The following SERAC1 variants were observed in gnomAD, a reference collection of about 807,000 sequenced individuals.
The protein encoded by SERAC1 is serine active site containing 1, also known as protein SERAC1.
A neutral mutation model predicts 85.7 loss-of-function variants in SERAC1; 36 were observed. The observed-to-expected ratio is 0.42, with a 90% confidence interval of 0.32 to 0.55. The LOEUF (loss-of-function observed/expected upper bound fraction) is 0.55. Among genes scored for constraint, SERAC1 ranks in the 20% least tolerant of loss-of-function variants. SERAC1 has a pLI of 0.11. For synonymous variants in SERAC1, 242 were observed against 265.3 expected (o/e 0.91, Z 0.85); for missense variants, 629 against 796.2 (o/e 0.79, Z 2.53).
At chr6:158,152,720 T>C (rs1163866767) in intron 3 of SERAC1, 2 of 152,166 alleles carry the variant, frequency 1.3e-5, no homozygotes, top group African/African-American at 4.8e-5. Context: ...TACGTTTAGG[T>C]ACACAAATAC....
chr6:158,114,322 C>T (rs535030737), intron 15 of SERAC1: 3 of 189,254 alleles, frequency 1.6e-5, no homozygotes, highest in South Asian at 1.8e-4. Flanking sequence ...CAAAAAGACA[C>T]CTGGTATATT....
In SERAC1 at chr6:158,155,471, T is replaced by C. The variant is rs1039967950; in HGVS notation, c.92-120A>G. On this transcript the variant is annotated intron_variant, in intron 2 of 16. Transcript: ENST00000647468. The stretch of plus-strand genomic sequence containing the variant: ...ATCAGATAAGAAGTTATTATTTTTC[T>C]ATTAATATAATCAGTTGCTATTAAT... 1.1e-4 allele frequency: 67 copies of C among 601,230 alleles called. No individual in the cohort carries two copies. In the African/African-American group the frequency reaches 1.2e-3, roughly 11 times the overall value. The allele number at this position is 601,230 out of a possible 1,614,324, so 37.2% of individuals were successfully genotyped here.
chr6:158,161,246 G>A (rs754551908), intron 1 of SERAC1: 1 of 152,146 alleles, frequency 6.6e-6, no homozygotes, highest in African/African-American at 2.4e-5. Context: ...AGCTGGGCCT[G>A]TTGGCATGTG....
At chr6:158,118,884 C>G in intron 12 of SERAC1, 145 bp downstream of exon 12, 1 of 977,556 alleles carries the variant, frequency 1.0e-6, no homozygotes, top group Non-Finnish European at 1.5e-6. Context: ...CAGTTGTTGT[C>G]AAAACATACT....
In SERAC1 at chr6:158,142,478, A is replaced by C. The variant is rs368319518; in HGVS notation, c.738+578T>G. On this transcript the variant is annotated intron_variant, in intron 8 of 16. Transcript: ENST00000647468. ...TGAGCCACTGCCCTCAGCCCTATTC[A>C]TTCTTTTTTTTTTTTTTGAGGCGGA... Among the ~76,000 whole-genome samples the C allele has an allele frequency of 1.1e-4, 15 of 137,754 alleles. No homozygotes were observed. In the East Asian group the frequency reaches 2.6e-3, roughly 24 times the overall value. 90.4% of individuals were successfully genotyped at this position (137,754 alleles called of 152,430 possible).
chr6:158,119,947 A>G lies in SERAC1; in HGVS notation c.1166+478T>C, dbSNP rs1044337620. Among the ~76,000 whole-genome samples, 8 of 152,202 alleles carry G rather than the reference A, an allele frequency of 5.3e-5. No homozygotes were observed. Among genetic ancestry groups the G allele is most frequent in the African/African-American group, 1.7e-4 (7 of 41,452 alleles). ...TTAAGAAGGGGCATGAGTCAAACTT[A>G]TTACAACTTATTCTTTCTAATGCAT... On this transcript the variant is annotated intron_variant, in intron 11 of 16. Transcript: ENST00000647468. This position sits in a 1 kb window ranked among gnomAD's most constrained non-coding sequence, Gnocchi z 4.5.
chr6:158,140,927 G>T (rs1365378060), intron 8 of SERAC1, among the ~76,000 whole-genome samples: 1 of 151,562 alleles, frequency 6.6e-6, no homozygotes, highest in Non-Finnish European at 1.5e-5. Flanking sequence ...GTACAGTACA[G>T]TTTTTTTTTC....
At chr6:158,164,555 G>C (rs1785555380) in intron 1 of SERAC1, among the ~76,000 whole-genome samples, 1 of 152,050 alleles carries the variant, frequency 6.6e-6, no homozygotes, top group South Asian at 2.1e-4. Flanking sequence ...GAGAAATTTT[G>C]AGACTAAGAA....
At chr6:158,130,529 T>G in intron 8 of SERAC1, 43 bp from the exon 9 acceptor site, 1 of 1,238,234 alleles carries the variant, frequency 8.1e-7, no homozygotes, top group Non-Finnish European at 1.1e-6. Context: ...AAAAAGTGAC[T>G]AATATTTTTG....
intron 8 of SERAC1, among the ~76,000 whole-genome samples, chr6:158,138,907 T>C (rs115306339): frequency 1.9e-4 from 29 of 152,328 alleles, no homozygotes; most frequent in African/African-American, 6.7e-4. Context: ...AAATGTTTTT[T>C]ATTTTTAAAT....
intron 14 of SERAC1, 107 bp from the exon 15 acceptor site, chr6:158,115,078 C>T: frequency 8.2e-7 from 1 of 1,222,678 alleles, no homozygotes; most frequent in South Asian, 1.5e-5. Context: ...GAGATGCTTT[C>T]TTTTTAAAAA....
rs1164276888 is a variant in SERAC1 at position 158,146,879 on chromosome 6, C to T, written c.390G>A (p.Glu130=). Residue 130 remains glutamate, a synonymous_variant, in exon 6 of 17, where the codon GAG becomes GAA. Coordinates refer to ENST00000647468, the MANE Select transcript of SERAC1 (RefSeq NM_032861.4). ...TCCGTAGGAGCAGCCACACAGCACA[C>T]TCATGATCTTCTATATCAACTGTAC... The part of the protein sequence containing the change: ...PFSTVDIEDH[E]CAVWLLLRKS... 6.2e-7 allele frequency: 1 copy of T among 1,613,760 alleles called. No individual in the cohort carries two copies. Among genetic ancestry groups the T allele is most frequent in the Non-Finnish European group, 8.5e-7 (1 of 1,179,876 alleles).
At chr6:158,121,465 A>G (rs1270484538) in intron 10 of SERAC1, among the ~76,000 whole-genome samples, 1 of 152,158 alleles carries the variant, frequency 6.6e-6, no homozygotes, top group African/African-American at 2.4e-5. Context: ...TTATTTAGCA[A>G]CTGAACTAGA....
intron 7 of SERAC1, 87 bp from the exon 8 acceptor site, chr6:158,143,271 C>T: frequency 7.1e-7 from 1 of 1,415,846 alleles, no homozygotes; most frequent in Non-Finnish European, 9.5e-7. Context: ...CCAATATTTG[C>T]CATATATATC....
chr6:158,123,898 G>A (rs771470205), intron 10 of SERAC1, among the ~76,000 whole-genome samples: 1 of 152,186 alleles, frequency 6.6e-6, no homozygotes, highest in Non-Finnish European at 1.5e-5. Flanking sequence ...CAGTCCTTAT[G>A]GGGTAGATGC....
intron 8 of SERAC1, among the ~76,000 whole-genome samples, chr6:158,136,572 C>T (rs1020914953): frequency 3.3e-5 from 5 of 152,084 alleles, no homozygotes; most frequent in Non-Finnish European, 2.9e-5. Flanking sequence ...CATAGAGCAC[C>T]GCAGCCTCGA....
At chr6:158,154,928 C>G (rs151248321) in intron 3 of SERAC1, among the ~76,000 whole-genome samples, 1 of 151,844 alleles carries the variant, frequency 6.6e-6, no homozygotes, top group Non-Finnish European at 1.5e-5. Context: ...TTAAGTGTGC[C>G]GGAGCTGAGT....
In SERAC1 at chr6:158,128,205, T is replaced by A; in HGVS notation, c.918A>T (p.Arg306=). The A allele has an allele frequency of 6.2e-7, 1 of 1,614,130 alleles. No homozygotes were observed. Among genetic ancestry groups the A allele is most frequent in the Non-Finnish European group, 8.5e-7 (1 of 1,179,980 alleles). Residue 306 remains arginine, a synonymous_variant, in exon 10 of 17, where the codon CGA becomes CGT. Coordinates refer to ENST00000647468, the MANE Select transcript of SERAC1 (RefSeq NM_032861.4). The part of the protein sequence containing the change: ...GGLQLLQRLY[R]LHKDCPKVQR... ...GTACTTTAGGGCAGTCCTTGTGAAG[T>A]CGGTACAGCCTCTGAAGTAGCTGCA...
Position 158,114,957 on chromosome 6 carries a change from T to G in SERAC1, c.1516A>C (p.Lys506Gln). The G allele has an allele frequency of 6.2e-7, 1 of 1,611,390 alleles. No homozygotes were observed. Among genetic ancestry groups the G allele is most frequent in the Non-Finnish European group, 8.5e-7 (1 of 1,178,962 alleles). Residue 506 changes from lysine (K) to glutamine (Q), a missense_variant, in exon 15 of 17, where the codon AAG becomes CAG. Transcript: ENST00000647468. ...TTCGTAGAGGCTTCCAACAGCATCT[T>G]TTTGACAAGAAGACCTAGCCACAGA... is the stretch of plus-strand genomic sequence containing the variant. ...SHSMGGLLVKKMLLEASTKPE... is the reference protein window; with the variant it reads ...SHSMGGLLVKQMLLEASTKPE...
Sources: allele counts gnomAD v4.1 joint callset (sites outside exome capture counted in the v4.1 genomes callset), GRCh38; gene constraint gnomAD v4.1.1; non-coding constraint Gnocchi (gnomAD v3.1); transcripts MANE v1.5; gene names NCBI Gene and HGNC (gene_info 2026-07-23, HGNC 2026-07-21).